Variants in ESRRB observed in about 807,000 individuals in gnomAD.
The protein encoded by ESRRB is steroid hormone receptor ERR2.
Under a neutral mutation model 46.0 loss-of-function variants are expected in ESRRB, and 16 were observed. The ratio of observed to expected loss-of-function variants is 0.35; its 90% CI spans 0.24 to 0.53. The LOEUF (loss-of-function observed/expected upper bound fraction) is 0.53. Ranked by LOEUF, ESRRB falls within the 20% of genes least tolerant of loss-of-function variation. The pLI, the probability that ESRRB is intolerant of heterozygous loss-of-function variation, is 0.93. For synonymous variants in ESRRB, 246 were observed against 259.6 expected (o/e 0.95, Z 0.50); for missense variants, 488 against 607.4 (o/e 0.80, Z 2.07).
In ESRRB at chr14:76,462,653, T is replaced by C; in HGVS notation, c.569T>C (p.Leu190Pro). 1.2e-6 allele frequency: 2 copies of C among 1,612,662 alleles called. No homozygotes were observed. The highest frequency in any genetic ancestry group is 1.7e-6 in the Non-Finnish European group (2 of 1,178,760). The change falls in exon 3 of 7, where the codon CTG becomes CCG. Residue 190 changes from leucine (L) to proline (P), a missense_variant. Physicochemically the swap from Leu to Pro is moderately conservative, Grantham distance 98. Coordinates refer to ENST00000644823, the MANE Select transcript of ESRRB (RefSeq NM_001379180.1). ...ATGAAATGCCTCAAAGTGGGGATGCTGAAGGAAGGTAAGAGACCCCACCGA... is the reference window on the plus strand; with the variant it reads ...ATGAAATGCCTCAAAGTGGGGATGCCGAAGGAAGGTAAGAGACCCCACCGA... The part of the protein sequence containing the change: ...RFMKCLKVGM[L>P]KEGVRLDRVR...
chr14:76,490,755 A>T (rs746496858), intron 5 of ESRRB, among the ~76,000 whole-genome samples: 3 of 152,204 alleles, frequency 2.0e-5, no homozygotes, highest in Admixed American at 6.5e-5. Context: ...AAGCTCCCGG[A>T]ACAGGCCTGC....
chr14:76,496,993 A>G (rs1890456544), intron 6 of ESRRB, among the ~76,000 whole-genome samples: 1 of 152,212 alleles, frequency 6.6e-6, no homozygotes, highest in Admixed American at 6.5e-5. Flanking sequence ...TTAATCTTGC[A>G]ATGTTATTTT....
chr14:76,379,319 C>T (rs1884910123), intron 1 of ESRRB, among the ~76,000 whole-genome samples: 1 of 152,138 alleles, frequency 6.6e-6, no homozygotes, highest in Non-Finnish European at 1.5e-5. Flanking sequence ...TGGAGACCCA[C>T]GGCAAACAGT....
At chr14:76,359,042 T>C (rs1468460512) in intron 1 of ESRRB, among the ~76,000 whole-genome samples, 1 of 152,212 alleles carries the variant, frequency 6.6e-6, no homozygotes, top group Non-Finnish European at 1.5e-5. Flanking sequence ...TGCCCTGAAA[T>C]AACCTTCTAG....
chr14:76,317,125 C>T (rs192426316), intron 1 of ESRRB, among the ~76,000 whole-genome samples: 35 of 151,558 alleles, frequency 2.3e-4, no homozygotes, highest in Admixed American at 1.7e-3. Context: ...GGATTCTTCC[C>T]ACAACAGTTT....
At chr14:76,317,501 C>T (rs1335412974) in intron 1 of ESRRB, among the ~76,000 whole-genome samples, 1 of 152,090 alleles carries the variant, frequency 6.6e-6, no homozygotes, top group Non-Finnish European at 1.5e-5. Flanking sequence ...GCACACAGGT[C>T]AGCTGGGGGA....
chr14:76,354,727 T>G (rs1188824093), intron 1 of ESRRB, among the ~76,000 whole-genome samples: 1 of 144,276 alleles, frequency 6.9e-6, no homozygotes, highest in African/African-American at 2.5e-5. Flanking sequence ...TTTTTTTCTT[T>G]GAAATGAGTT....
intron 1 of ESRRB, among the ~76,000 whole-genome samples, chr14:76,342,842 G>T (rs761245871): frequency 6.6e-6 from 1 of 152,190 alleles, no homozygotes. Flanking sequence ...ATTGTGACAG[G>T]TCCTGGGATC....
At chr14:76,350,183 C>T (rs1884297229) in intron 1 of ESRRB, among the ~76,000 whole-genome samples, 1 of 152,174 alleles carries the variant, frequency 6.6e-6, no homozygotes, top group Admixed American at 6.5e-5. Flanking sequence ...AATCTCTGCT[C>T]CTCTCCCTCC....
chr14:76,499,720 G>T lies in ESRRB; in HGVS notation c.*1262G>T. 1.3e-6 allele frequency: 1 copy of T among 763,358 alleles called. No individual in the cohort carries two copies. Among genetic ancestry groups the T allele is most frequent in the East Asian group, 2.6e-5 (1 of 39,190 alleles). The allele number at this position is 763,358 out of a possible 1,614,324, so 47.3% of individuals were successfully genotyped here. ...GCTGTGCCAGGTAACCAACCGTCTTGGTTTGTCCAGGACGTTTCTTTATCC... is the reference window on the plus strand; with the variant it reads ...GCTGTGCCAGGTAACCAACCGTCTTTGTTTGTCCAGGACGTTTCTTTATCC... On this transcript the variant is annotated 3_prime_UTR_variant, in exon 7 of 7. Coordinates refer to ENST00000644823, the MANE Select transcript of ESRRB (RefSeq NM_001379180.1).
chr14:76,371,354 GA>G (rs1404450833), upstream of ESRRB: 4 of 152,340 alleles, frequency 2.6e-5, no homozygotes, highest in Non-Finnish European at 5.9e-5. Context: ...GGTCCGCAGA[GA>G]GGTGTGGTCA....
intron 1 of ESRRB, among the ~76,000 whole-genome samples, chr14:76,321,803 C>G (rs552106748): frequency 6.6e-6 from 1 of 151,800 alleles, no homozygotes; most frequent in Non-Finnish European, 1.5e-5. Context: ...AGGAGAATGG[C>G]GTGAACCTGG....
chr14:76,356,437 T>C (rs1224644573), intron 1 of ESRRB, among the ~76,000 whole-genome samples: 1 of 152,214 alleles, frequency 6.6e-6, no homozygotes, highest in Non-Finnish European at 1.5e-5. Context: ...TTGCTCAGAT[T>C]ATACGACTAC....
chr14:76,404,934 G>A (rs1886112441), intron 1 of ESRRB, among the ~76,000 whole-genome samples: 1 of 152,144 alleles, frequency 6.6e-6, no homozygotes, highest in Non-Finnish European at 1.5e-5. Context: ...AAGCCCCTCA[G>A]AAGGGGACAG....
intron 1 of ESRRB, among the ~76,000 whole-genome samples, chr14:76,328,780 T>C (rs757993689): frequency 2.6e-4 from 40 of 152,134 alleles, no homozygotes; most frequent in Non-Finnish European, 4.9e-4. Context: ...CCTGCTCTGG[T>C]CCACGCATGC....
intron 6 of ESRRB, among the ~76,000 whole-genome samples, chr14:76,493,690 C>T (rs1019043252): frequency 6.6e-6 from 1 of 152,222 alleles, no homozygotes; most frequent in South Asian, 2.1e-4. Flanking sequence ...AGTCCCATAT[C>T]CCAGGAAACT....
At chr14:76,388,171 C>G (rs1302018039) in intron 1 of ESRRB, among the ~76,000 whole-genome samples, 6 of 143,276 alleles carry the variant, frequency 4.2e-5, no homozygotes, top group Non-Finnish European at 9.1e-5. Flanking sequence ...AGCTTTCTTT[C>G]ATTCTTTTTT....
intron 3 of ESRRB, among the ~76,000 whole-genome samples, chr14:76,471,549 C>A (rs1405271829): frequency 6.6e-6 from 1 of 152,156 alleles, no homozygotes; most frequent in Non-Finnish European, 1.5e-5. Context: ...TTATTTTTGA[C>A]CCTCAAGCAT....
At chr14:76,347,918 T>A (rs558345924) in intron 1 of ESRRB, among the ~76,000 whole-genome samples, 1 of 152,158 alleles carries the variant, frequency 6.6e-6, no homozygotes, top group Non-Finnish European at 1.5e-5. Context: ...TGACAAATGG[T>A]CAGGAAATAC....
Sources: gnomAD v4.1 joint callset for allele counts (sites outside exome capture counted in the v4.1 genomes callset) on GRCh38, gnomAD v4.1.1 for gene constraint, MANE v1.5 for transcripts, NCBI Gene and HGNC (gene_info 2026-07-23, HGNC 2026-07-21) for gene names.